The following AMPH variants were observed in gnomAD, a reference collection of about 807,000 sequenced individuals.
The protein encoded by AMPH is amphiphysin (Stiff-Mann syndrome with breast cancer 128kD autoantigen).
AMPH carries 49 observed loss-of-function variants against 99.1 expected under a neutral mutation model. The ratio of observed to expected loss-of-function variants is 0.49; its 90% CI spans 0.39 to 0.63. The LOEUF (loss-of-function observed/expected upper bound fraction) is 0.63, where lower values mean the gene tolerates loss of function less well. Among genes scored for constraint, AMPH ranks in the 20% least tolerant of loss-of-function variants. The probability of loss-of-function intolerance (pLI) is 0.00; values close to 1 mark genes in which losing one functional copy is unlikely to be tolerated. For synonymous variants in AMPH, 314 were observed against 317.3 expected (o/e 0.99, Z 0.11); for missense variants, 759 against 863.4 (o/e 0.88, Z 1.52).
At chr7:38,466,132 T>C (rs1216921267) in intron 8 of AMPH, 41 bp downstream of exon 8, 1 of 1,491,202 alleles carries the variant, frequency 6.7e-7, no homozygotes, top group African/African-American at 1.4e-5. Flanking sequence ...AACCTTCCTT[T>C]ACTTTATATT....
chr7:38,550,080 T>G (rs1791127176), intron 1 of AMPH, among the ~76,000 whole-genome samples: 1 of 152,216 alleles, frequency 6.6e-6, no homozygotes, highest in African/African-American at 2.4e-5. Context: ...CTTCCAACTC[T>G]TGTTATAGCA....
At chr7:38,482,017 T>G (rs913579179) in intron 5 of AMPH, among the ~76,000 whole-genome samples, 1 of 152,164 alleles carries the variant, frequency 6.6e-6, no homozygotes, top group African/African-American at 2.4e-5. Flanking sequence ...TAAGTCCATT[T>G]TCACAGAAAA....
At chr7:38,580,115 T>C (rs1584269008) in intron 1 of AMPH, among the ~76,000 whole-genome samples, 1 of 152,212 alleles carries the variant, frequency 6.6e-6, no homozygotes, top group East Asian at 1.9e-4. Flanking sequence ...TCCTAGATTT[T>C]GATCCCAAAC....
At chr7:38,430,472 T>C (rs1454034410) in intron 13 of AMPH, among the ~76,000 whole-genome samples, 1 of 152,220 alleles carries the variant, frequency 6.6e-6, no homozygotes, top group Non-Finnish European at 1.5e-5. Context: ...AAAGCTGTTG[T>C]TTTGCATTTT....
At chr7:38,518,934 G>C (rs1193571189) in intron 2 of AMPH, among the ~76,000 whole-genome samples, 1 of 152,236 alleles carries the variant, frequency 6.6e-6, no homozygotes, top group Non-Finnish European at 1.5e-5. Context: ...ACAGTGTTGA[G>C]AGGCAGGATC....
chr7:38,571,908 C>CTTTTTT (rs35135533), intron 1 of AMPH, among the ~76,000 whole-genome samples: 1 of 141,874 alleles, frequency 7.0e-6, no homozygotes, highest in Non-Finnish European at 1.5e-5. Context: ...ACACGTTTAT[C>CTTTTTT]TTTTTTTTTT....
chr7:38,395,345 A>C (rs1784638598), intron 17 of AMPH, among the ~76,000 whole-genome samples: 1 of 152,258 alleles, frequency 6.6e-6, no homozygotes, highest in South Asian at 2.1e-4. Context: ...TTATAGGCAA[A>C]ATGCCAAAAT....
chr7:38,407,091 T>A lies in AMPH; in HGVS notation c.1398+10734A>T, dbSNP rs1351321430. ...ATATATATATATGTGTGTGTGTGTG[T>A]GTGTGTGTGTGTGTGTGTGTGTGTA... is the stretch of plus-strand genomic sequence containing the variant. On this transcript the variant is annotated intron_variant, in intron 17 of 20. Coordinates refer to ENST00000356264, the MANE Select transcript of AMPH (RefSeq NM_001635.4). Among the ~76,000 whole-genome samples, 4 of 75,098 alleles carry A rather than the reference T, an allele frequency of 5.3e-5. 1 individual carries two copies. The highest frequency in any genetic ancestry group is 1.7e-4 in the African/African-American group (4 of 23,892). 49.3% of individuals were successfully genotyped at this position (75,098 alleles called of 152,430 possible). A position where few individuals can be genotyped will look rare whatever the true frequency, so the allele number is the denominator to read the frequency against.
Position 38,428,220 on chromosome 7 carries a change from A to C in AMPH, c.1183-1234T>G, listed in dbSNP as rs755777702. On this transcript the variant is annotated intron_variant, in intron 14 of 20. Transcript: ENST00000356264. ...TATACCAGAGAATCCTGTTATATCC[A>C]AATTATTCATTGCTGAATCCAAGCT... is the stretch of plus-strand genomic sequence containing the variant. 22 of 456,620 alleles carry C rather than the reference A, an allele frequency of 4.8e-5. 2 individuals carry two copies. In the Middle Eastern group the frequency reaches 9.7e-4, roughly 20 times the overall value. The allele number at this position is 456,620 out of a possible 1,614,324, so 28.3% of individuals were successfully genotyped here.
intron 7 of AMPH, among the ~76,000 whole-genome samples, chr7:38,469,362 C>A (rs1787792801): frequency 6.6e-6 from 1 of 152,056 alleles, no homozygotes; most frequent in Non-Finnish European, 1.5e-5. Context: ...TAAGATGTTT[C>A]TTTGTTCTCA....
intron 3 of AMPH, among the ~76,000 whole-genome samples, chr7:38,500,790 T>G (rs1789108073): frequency 6.6e-6 from 1 of 152,192 alleles, no homozygotes; most frequent in Non-Finnish European, 1.5e-5. Context: ...TAAGGTTGAT[T>G]TGGGAGTAAT....
rs182602134 is a variant in AMPH, at chr7:38,453,387, C to T, written c.1017+7896G>A. ...CTAGCAAAGCCTAGGCAAGCAGACC[C>T]GGGAATAGTGTCCTCACAGGAGCTG... On this transcript the variant is annotated intron_variant, in intron 11 of 20. Coordinates refer to ENST00000356264, the MANE Select transcript of AMPH (RefSeq NM_001635.4). Among the ~76,000 whole-genome samples, 428 of 152,238 alleles carry T rather than the reference C, an allele frequency of 2.8e-3. 11 individuals carry two copies. The highest frequency in any genetic ancestry group is 0.024 in the Admixed American group (366 of 15,284).
chr7:38,428,814 T>C, intron 14 of AMPH: 1 of 471,768 alleles, frequency 2.1e-6, no homozygotes, highest in Admixed American at 2.3e-5. Context: ...ATCTCCTCCT[T>C]CCATGTCCTT....
intron 3 of AMPH, among the ~76,000 whole-genome samples, chr7:38,502,877 A>T (rs1489487829): frequency 6.6e-6 from 1 of 152,176 alleles, no homozygotes; most frequent in Non-Finnish European, 1.5e-5. Context: ...GTAAAGCGTG[A>T]GGTTGAGAAT....
intron 10 of AMPH, among the ~76,000 whole-genome samples, chr7:38,462,721 T>A (rs1787496723): frequency 6.6e-6 from 1 of 152,128 alleles, no homozygotes; most frequent in Non-Finnish European, 1.5e-5. Context: ...AGAGAGAGCA[T>A]GCTCGCCTGA....
At chr7:38,581,427 G>A (rs1266325040) in intron 1 of AMPH, among the ~76,000 whole-genome samples, 1 of 152,188 alleles carries the variant, frequency 6.6e-6, no homozygotes, top group African/African-American at 2.4e-5. Flanking sequence ...GGTCCCACAA[G>A]GATGTCAGTG....
intron 17 of AMPH, among the ~76,000 whole-genome samples, chr7:38,410,118 T>C (rs778255497): frequency 2.0e-5 from 3 of 152,226 alleles, no homozygotes; most frequent in Non-Finnish European, 2.9e-5. Flanking sequence ...CATTTTTCTA[T>C]GGCTGGCTAT....
chr7:38,443,501 T>C (rs1262024532), intron 11 of AMPH, among the ~76,000 whole-genome samples: 6 of 152,154 alleles, frequency 3.9e-5, no homozygotes, highest in South Asian at 4.2e-4. Flanking sequence ...GGATAACATA[T>C]CATCACCAAA....
intron 1 of AMPH, among the ~76,000 whole-genome samples, chr7:38,620,544 T>TACACACAC (rs1348103863): frequency 3.5e-4 from 39 of 111,144 alleles, no homozygotes; most frequent in African/African-American, 1.2e-3. Context: ...TATATATACA[T>TACACACAC]ACATACACAC....
Sources: allele counts gnomAD v4.1 joint callset (sites outside exome capture counted in the v4.1 genomes callset), GRCh38; gene constraint gnomAD v4.1.1; transcripts MANE v1.5; gene names NCBI Gene and HGNC (gene_info 2026-07-23, HGNC 2026-07-21).